XPOT: variants seen among roughly 807,000 people sequenced by gnomAD.
XPOT encodes the protein exportin-T.
Under a neutral mutation model 128.2 loss-of-function variants are expected in XPOT, and 34 were observed. The ratio of observed to expected loss-of-function variants is 0.27; its 90% CI spans 0.20 to 0.35. XPOT has a LOEUF of 0.35. Among genes scored for constraint, XPOT ranks in the 10% least tolerant of loss-of-function variants. The pLI, the probability that XPOT is intolerant of heterozygous loss-of-function variation, is 1.00. For synonymous variants in XPOT, 348 were observed against 394.3 expected (o/e 0.88, Z 1.39); for missense variants, 838 against 1,125.3 (o/e 0.74, Z 3.65).
rs911100524 is a variant in XPOT, at chr12:64,450,284, T to G, written c.*2153T>G. On this transcript the variant is annotated 3_prime_UTR_variant, in exon 25 of 25. Coordinates refer to ENST00000332707, the MANE Select transcript of XPOT (RefSeq NM_007235.6). Reference sequence around the variant, plus strand: ...CTCCTGCCTCAGCATCCAGACTAGCTGTGATTACAGGTGTGCACCACCACA... The same window carrying G: ...CTCCTGCCTCAGCATCCAGACTAGCGGTGATTACAGGTGTGCACCACCACA... The G allele has an allele frequency of 6.6e-6, 1 of 152,132 alleles. No individual in the cohort carries two copies. The allele number at this position is 152,132 out of a possible 1,614,324, so 9.4% of individuals were successfully genotyped here.
In XPOT at chr12:64,418,128, T is replaced by C; in HGVS notation, c.270+13T>C. 1 of 1,604,912 alleles carries C rather than the reference T, an allele frequency of 6.2e-7. No homozygotes were observed. ...GCTGCAAGCTCAGGTAAAATCATAA[T>C]TTCATTCAGTACCTCAAATTATTAG... On this transcript the variant is annotated intron_variant, in intron 5 of 24. Transcript: ENST00000332707.
intron 24 of XPOT, among the ~76,000 whole-genome samples, chr12:64,445,376 A>T (rs1315878711): frequency 6.6e-6 from 1 of 152,238 alleles, no homozygotes; most frequent in African/African-American, 2.4e-5. Context: ...TTAGGAGAAT[A>T]AGAAATGTTC....
chr12:64,421,283 A>G lies in XPOT; in HGVS notation c.892A>G (p.Met298Val), dbSNP rs1592329760. The change falls in exon 9 of 25, where the codon ATG (methionine) becomes GTG (valine). Residue 298 changes from methionine to valine, a missense_variant. Physicochemically the swap from Met to Val is conservative, Grantham distance 21. Coordinates refer to ENST00000332707, the MANE Select transcript of XPOT (RefSeq NM_007235.6). ...LARFSKLVNG[M>V]GQSLIVSWSK... ...CAGATTTTCTAAGTTGGTAAATGGA[A>G]TGGGACAGTCATTGATAGTTAGTTG... The G allele has an allele frequency of 1.5e-5, 24 of 1,613,824 alleles. No individual in the cohort carries two copies. The East Asian group carries it at 4.5e-4, about 30-fold the overall frequency.
At chr12:64,409,784 C>T (rs1160793399) in intron 1 of XPOT, 178 bp from the exon 2 acceptor site, 1 of 477,386 alleles carries the variant, frequency 2.1e-6, no homozygotes, top group Non-Finnish European at 3.7e-6. Flanking sequence ...GAGTAGTTAG[C>T]AGAGCCCATT....
rs568458638 is a variant in XPOT, at chr12:64,411,934, A to G, written c.60+1839A>G. Among the ~76,000 whole-genome samples the G allele has an allele frequency of 2.3e-3, 347 of 151,994 alleles. 1 individual carries two copies. The highest frequency in any genetic ancestry group is 3.6e-3 in the Non-Finnish European group (247 of 67,960). On this transcript the variant is annotated intron_variant, in intron 2 of 24. Transcript: ENST00000332707. ...GAATTTTGTTTTTTTAATTGTTAGT[A>G]ATGCATAGATTCAGAATACAAAGGC... is the stretch of plus-strand genomic sequence containing the variant.
intron 9 of XPOT, 23 bp downstream of exon 9, chr12:64,421,494 T>G: frequency 6.6e-7 from 1 of 1,520,894 alleles, no homozygotes; most frequent in Non-Finnish European, 9.1e-7. Context: ...TTTATTCTTT[T>G]TGCTCAATAC....
chr12:64,429,975 C>G lies in XPOT; in HGVS notation c.1738-74C>G, dbSNP rs894485278. 117 of 1,328,882 alleles carry G rather than the reference C, an allele frequency of 8.8e-5. 1 individual carries two copies. In the Admixed American group the frequency reaches 2.8e-3, roughly 31 times the overall value. 82.3% of individuals were successfully genotyped at this position (1,328,882 alleles called of 1,614,324 possible). A position where few individuals can be genotyped will look rare whatever the true frequency, so the allele number is the denominator to read the frequency against. On this transcript the variant is annotated intron_variant, in intron 16 of 24. Coordinates refer to ENST00000332707, the MANE Select transcript of XPOT (RefSeq NM_007235.6). ...GTGTGATAGATTACATTTCCTGTTC[C>G]TAATGCACTTTTTCTCATTAAATGA... is the stretch of plus-strand genomic sequence containing the variant.
chr12:64,409,466 T>A (rs183002345), intron 1 of XPOT, among the ~76,000 whole-genome samples: 26 of 152,298 alleles, frequency 1.7e-4, no homozygotes, highest in South Asian at 6.2e-4. Context: ...CCAGGTGGGG[T>A]GGCTCATGCC....
At chr12:64,410,168 C>G in intron 2 of XPOT, 73 bp downstream of exon 2, 4 of 1,433,502 alleles carry the variant, frequency 2.8e-6, no homozygotes, top group Non-Finnish European at 3.9e-6. Context: ...AATAAAAATG[C>G]ACCTGGCAAA....
At chr12:64,404,967 G>A (rs2039964867) in intron 1 of XPOT, 163 bp downstream of exon 1, 1 of 152,330 alleles carries the variant, frequency 6.6e-6, no homozygotes, top group Non-Finnish European at 1.5e-5. Flanking sequence ...GGCGGACCGG[G>A]TGGGGGTGGG....
intron 12 of XPOT, 73 bp downstream of exon 12, chr12:64,424,796 T>C (rs893875202): frequency 7.0e-5 from 109 of 1,548,012 alleles, no homozygotes; most frequent in Non-Finnish European, 9.0e-5. Context: ...AAATAAATGA[T>C]TCATATGACT....
chr12:64,412,051 TCTCA>T (rs1401014702), intron 2 of XPOT, among the ~76,000 whole-genome samples: 1 of 110,790 alleles, frequency 9.0e-6, no homozygotes, highest in Non-Finnish European at 1.7e-5. Context: ...TGAGACAGAG[TCTCA>T]CTCTGTTGCC....
At chr12:64,425,529 T>C in intron 14 of XPOT, 72 bp downstream of exon 14, 1 of 1,556,682 alleles carries the variant, frequency 6.4e-7, no homozygotes, top group Non-Finnish European at 8.7e-7. Context: ...ATTGTATTTT[T>C]CTGTCTATAA....
intron 24 of XPOT, among the ~76,000 whole-genome samples, chr12:64,445,632 A>G (rs2040361743): frequency 6.6e-6 from 1 of 152,154 alleles, no homozygotes; most frequent in Non-Finnish European, 1.5e-5. Flanking sequence ...AATTGAGTTC[A>G]TGAGATGAAA....
At chr12:64,432,032 A>G (rs74463012) in intron 18 of XPOT, among the ~76,000 whole-genome samples, 2,177 of 152,270 alleles carry the variant, frequency 0.014, 43 homozygotes, top group African/African-American at 0.049. Context: ...TTGAATATAA[A>G]CAGACCCTAA....
At chr12:64,410,872 T>C (rs1274459713) in intron 2 of XPOT, among the ~76,000 whole-genome samples, 1 of 152,154 alleles carries the variant, frequency 6.6e-6, no homozygotes, top group Non-Finnish European at 1.5e-5. Flanking sequence ...CATTTGGAAC[T>C]ATAGGGTAAG....
rs1171964621 is a variant in XPOT, at chr12:64,420,090, CAT to C, written c.512_513del (p.Ile171LysfsTer27). 6.3e-7 allele frequency: 1 copy of C among 1,583,164 alleles called. No individual in the cohort carries two copies. The highest frequency in any genetic ancestry group is 8.5e-7 in the Non-Finnish European group (1 of 1,170,184). ...TSEEARRNTL[I>X]KDTMREQCIP... ...TTTAGGAGGCTCGTAGGAATACTCT[CAT>C]AAAAGATACCATGAGGGAACAGTGC... On this transcript the variant is annotated frameshift_variant, in exon 7 of 25. Coordinates refer to ENST00000332707, the MANE Select transcript of XPOT (RefSeq NM_007235.6). LOFTEE classifies it high-confidence loss of function.
chr12:64,421,124 T>C (rs1050087781), intron 8 of XPOT, 111 bp from the exon 9 acceptor site: 49 of 843,582 alleles, frequency 5.8e-5, no homozygotes, highest in Non-Finnish European at 8.6e-5. Flanking sequence ...ATATATGACG[T>C]CATTTTAAAA....
intron 10 of XPOT, 49 bp downstream of exon 10, chr12:64,423,092 T>C: frequency 6.2e-7 from 1 of 1,604,394 alleles, no homozygotes; most frequent in Non-Finnish European, 8.5e-7. Flanking sequence ...TTTTAGTCTG[T>C]AATTTGCCTT....
Sources: gnomAD v4.1 joint callset for allele counts (sites outside exome capture counted in the v4.1 genomes callset) on GRCh38, gnomAD v4.1.1 for gene constraint, MANE v1.5 for transcripts, NCBI Gene and HGNC (gene_info 2026-07-23, HGNC 2026-07-21) for gene names.